Variants in IMPG2 observed in about 807,000 individuals in gnomAD.
IMPG2 encodes the protein interphotoreceptor matrix proteoglycan 2.
A neutral mutation model predicts 129.2 loss-of-function variants in IMPG2; 91 were observed. That is an observed-to-expected ratio of 0.70 (90% CI 0.59 to 0.84). IMPG2 has a LOEUF of 0.84. IMPG2 is among the 40% of genes least tolerant of loss of function. The pLI is 0.00. For synonymous variants in IMPG2, 510 were observed against 517.7 expected, an observed-to-expected ratio of 0.99 and a Z score of 0.20; for missense variants, 1,430 against 1,461.7, an observed-to-expected ratio of 0.98 and a Z score of 0.35.
chr3:101,249,434 C>A (rs1033405206), intron 11 of IMPG2, among the ~76,000 whole-genome samples: 7 of 150,912 alleles, frequency 4.6e-5, no homozygotes, highest in African/African-American at 1.7e-4. Flanking sequence ...ACAACATGAA[C>A]CAAAAATGAT....
chr3:101,251,597 T>G (rs1297012431), intron 11 of IMPG2, among the ~76,000 whole-genome samples: 3 of 152,174 alleles, frequency 2.0e-5, no homozygotes, highest in African/African-American at 7.2e-5. Context: ...CTACCGCCAA[T>G]TGAAAAGTTT....
At chr3:101,261,642 T>C (rs1407995950) in intron 9 of IMPG2, among the ~76,000 whole-genome samples, 1 of 152,122 alleles carries the variant, frequency 6.6e-6, no homozygotes, top group Non-Finnish European at 1.5e-5. Context: ...GTTACCATGT[T>C]TTTGTTCTGG....
At chr3:101,234,110 G>GT (rs1706319795) in intron 14 of IMPG2, among the ~76,000 whole-genome samples, 1 of 150,658 alleles carries the variant, frequency 6.6e-6, no homozygotes, top group Non-Finnish European at 1.5e-5. Context: ...ATCCAGAACC[G>GT]CAGAATATGA....
chr3:101,261,861 T>C (rs1007657927), intron 9 of IMPG2, among the ~76,000 whole-genome samples: 2 of 152,104 alleles, frequency 1.3e-5, no homozygotes, highest in African/African-American at 4.8e-5. Flanking sequence ...TGGTATGTGA[T>C]TGAAGAAAGC....
chr3:101,278,033 G>A (rs1056576452), intron 4 of IMPG2, among the ~76,000 whole-genome samples: 12 of 152,104 alleles, frequency 7.9e-5, no homozygotes, highest in Non-Finnish European at 1.3e-4. Context: ...CCAGCAGTTC[G>A]AGACCAGCCT....
At chr3:101,289,721 G>A (rs1706985009) in intron 4 of IMPG2, among the ~76,000 whole-genome samples, 1 of 151,926 alleles carries the variant, frequency 6.6e-6, no homozygotes, top group Admixed American at 6.6e-5. Context: ...AGAGGCACAT[G>A]ATCAAATTTA....
At chr3:101,246,850 T>C (rs1706484008) in intron 11 of IMPG2, among the ~76,000 whole-genome samples, 1 of 152,158 alleles carries the variant, frequency 6.6e-6, no homozygotes, top group South Asian at 2.1e-4. Flanking sequence ...AGGTCTATAA[T>C]CCCAGCACTT....
chr3:101,314,104 G>A (rs2058770583), intron 2 of IMPG2, among the ~76,000 whole-genome samples: 1 of 151,924 alleles, frequency 6.6e-6, no homozygotes, highest in South Asian at 2.1e-4. Context: ...ATTTATTTGG[G>A]ATCTACAATG....
chr3:101,232,574 C>A (rs1235332078), intron 15 of IMPG2, among the ~76,000 whole-genome samples: 1 of 151,678 alleles, frequency 6.6e-6, no homozygotes, highest in Non-Finnish European at 1.5e-5. Flanking sequence ...TTTTGCAGTT[C>A]CCTAACAGCA....
chr3:101,267,035 G>A (rs527567876), intron 9 of IMPG2, among the ~76,000 whole-genome samples: 9 of 152,150 alleles, frequency 5.9e-5, no homozygotes, highest in South Asian at 2.1e-4. Flanking sequence ...ACAGCAACAC[G>A]CATGGACTGG....
rs1474631475 is a variant in IMPG2 at position 101,222,856 on chromosome 3, A to G, written c.*4113T>C. ...CTGATATATGAAAAATTATACCTGTATTCTCTGATACCACAATTATTTTTT... is the reference window on the plus strand; with the variant it reads ...CTGATATATGAAAAATTATACCTGTGTTCTCTGATACCACAATTATTTTTT... On this transcript the variant is annotated 3_prime_UTR_variant, in exon 19 of 19. Coordinates refer to ENST00000193391, the MANE Select transcript of IMPG2 (RefSeq NM_016247.4). The G allele has an allele frequency of 2.6e-5, 4 of 152,234 alleles. No homozygotes were observed. Among genetic ancestry groups the G allele is most frequent in the African/African-American group, 9.6e-5 (4 of 41,468 alleles). The allele number at this position is 152,234 out of a possible 1,614,324, so 9.4% of individuals were successfully genotyped here.
intron 1 of IMPG2, 116 bp downstream of exon 1, chr3:101,320,172 T>C (rs1168099258): frequency 9.1e-6 from 6 of 662,458 alleles, no homozygotes; most frequent in African/African-American, 2.3e-5. Flanking sequence ...ATATCAAAGA[T>C]TAATAAAGTA....
At chr3:101,240,283 A>G (rs976799243) in intron 14 of IMPG2, among the ~76,000 whole-genome samples, 1 of 151,964 alleles carries the variant, frequency 6.6e-6, no homozygotes, top group South Asian at 2.1e-4. Context: ...GTGCCCAGCT[A>G]ATTTTTCAGT....
chr3:101,320,261 T>C, intron 1 of IMPG2, 27 bp downstream of exon 1: 1 of 1,299,452 alleles, frequency 7.7e-7, no homozygotes. Flanking sequence ...TATGGAAAGA[T>C]AAAAACAAAT....
At chr3:101,309,685 A>G (rs1325714538) in intron 2 of IMPG2, among the ~76,000 whole-genome samples, 1 of 152,176 alleles carries the variant, frequency 6.6e-6, no homozygotes, top group Non-Finnish European at 1.5e-5. Context: ...CAGCCAAACC[A>G]TATCACCTAT....
chr3:101,320,172 T>G, intron 1 of IMPG2, 116 bp downstream of exon 1: 1 of 662,514 alleles, frequency 1.5e-6, no homozygotes, highest in Non-Finnish European at 2.5e-6. Flanking sequence ...ATATCAAAGA[T>G]TAATAAAGTA....
chr3:101,269,416 A>C (rs760195320), intron 8 of IMPG2, 99 bp downstream of exon 8: 135 of 754,452 alleles, frequency 1.8e-4, no homozygotes, highest in Middle Eastern at 5.0e-4. Context: ...CAGCATTCAA[A>C]CCATTTATTG....
intron 4 of IMPG2, among the ~76,000 whole-genome samples, chr3:101,290,618 T>C (rs1706997099): frequency 6.6e-6 from 1 of 152,176 alleles, no homozygotes; most frequent in Non-Finnish European, 1.5e-5. Flanking sequence ...CTCAGTGCCA[T>C]TGGCTGTTTG....
chr3:101,303,505 A>G (rs1320131575), intron 3 of IMPG2, among the ~76,000 whole-genome samples: 1 of 152,116 alleles, frequency 6.6e-6, no homozygotes, highest in African/African-American at 2.4e-5. Flanking sequence ...GATATACGGA[A>G]TAACAAACAG....
Sources: gnomAD v4.1 joint callset for allele counts (sites outside exome capture counted in the v4.1 genomes callset) on GRCh38, gnomAD v4.1.1 for gene constraint, MANE v1.5 for transcripts, NCBI Gene and HGNC (gene_info 2026-07-23, HGNC 2026-07-21) for gene names.